The following OTUD7B variants were observed in gnomAD, a reference collection of about 807,000 sequenced individuals.
The protein encoded by OTUD7B is OTU deubiquitinase 7B.
OTUD7B carries 34 observed loss-of-function variants against 82.2 expected under a neutral mutation model. That is an observed-to-expected ratio of 0.41 (90% CI 0.31 to 0.55). The LOEUF (loss-of-function observed/expected upper bound fraction) is 0.55. OTUD7B is among the 20% of genes least tolerant of loss of function. The pLI is 0.20. For synonymous variants in OTUD7B, 398 were observed against 402.7 expected (o/e 0.99, Z 0.14); for missense variants, 944 against 1,062.1 (o/e 0.89, Z 1.55).
At chr1:149,965,754 G>A (rs782489483) in intron 5 of OTUD7B, 23 bp downstream of exon 5, 8 of 1,542,404 alleles carry the variant, frequency 5.2e-6, no homozygotes, top group Non-Finnish European at 7.2e-6. Flanking sequence ...GCAGGTGAAT[G>A]GAGGACTGCT....
intron 7 of OTUD7B, among the ~76,000 whole-genome samples, chr1:149,953,770 T>C (rs1460883764): frequency 6.6e-6 from 1 of 152,214 alleles, no homozygotes; most frequent in Non-Finnish European, 1.5e-5. Context: ...TCACATCCCT[T>C]GTAAGTTGGA....
chr1:150,022,873 CTCTT>C, the OTUD7B span, among the ~76,000 whole-genome samples: 1 of 152,188 alleles, frequency 6.6e-6, no homozygotes, highest in Non-Finnish European at 1.5e-5. Flanking sequence ...CCCAAGGAGT[CTCTT>C]TACCCAGCAG....
chr1:149,948,294 G>A (rs1253569619), intron 10 of OTUD7B, among the ~76,000 whole-genome samples: 12 of 151,004 alleles, frequency 7.9e-5, no homozygotes, highest in South Asian at 4.2e-4. Context: ...ATAAGCCACC[G>A]CACCCAGCCT....
At chr1:150,038,386 T>G in the OTUD7B span, among the ~76,000 whole-genome samples, 1 of 152,010 alleles carries the variant, frequency 6.6e-6, no homozygotes, top group African/African-American at 2.4e-5. Flanking sequence ...TTTATTTATT[T>G]ATTTATTTTT....
rs781982955 is a variant in OTUD7B, at chr1:149,965,866, C to A, written c.515G>T (p.Trp172Leu). The change falls in exon 5 of 12, where the codon TGG (tryptophan) becomes TTG (leucine). Residue 172 changes from tryptophan (W) to leucine (L), a missense_variant. This residue lies in a region of OTUD7B where 530 missense variants were observed against 625.6 expected (regional missense o/e 0.85). Transcript: ENST00000581312. ...AGAGGTGGGATCCACACTCACCCACCAGTTCAAACGCCCTGTAGAAACAAG... is the reference window on the plus strand; with the variant it reads ...AGAGGTGGGATCCACACTCACCCACAAGTTCAAACGCCCTGTAGAAACAAG... The part of the protein sequence containing the change: ...VALEQAGRLN[W>L]WVSVDPTSQR... 6.2e-7 allele frequency: 1 copy of A among 1,613,878 alleles called. No homozygotes were observed. The highest frequency in any genetic ancestry group is 8.5e-7 in the Non-Finnish European group (1 of 1,179,774).
intron 4 of OTUD7B, among the ~76,000 whole-genome samples, chr1:149,966,288 G>A (rs782318450): frequency 1.1e-4 from 16 of 152,272 alleles, no homozygotes; most frequent in African/African-American, 3.1e-4. Flanking sequence ...GTTAAATGAC[G>A]AGGCCAAGGA....
In OTUD7B at chr1:149,943,697, G is replaced by A; in HGVS notation, c.*160C>T. 1.3e-6 allele frequency: 1 copy of A among 748,652 alleles called. No homozygotes were observed. Among genetic ancestry groups the A allele is most frequent in the African/African-American group, 1.7e-5 (1 of 57,418 alleles). The allele number at this position is 748,652 out of a possible 1,614,324, so 46.4% of individuals were successfully genotyped here. A position where few individuals can be genotyped will look rare whatever the true frequency, so the allele number is the denominator to read the frequency against. On this transcript the variant is annotated 3_prime_UTR_variant, in exon 12 of 12. Transcript: ENST00000581312. ...ATCCAGCCCCGACCTGCTCTTGCCAGCCTGGCAGCACTCCTGTGTGCACAC... is the reference window on the plus strand; with the variant it reads ...ATCCAGCCCCGACCTGCTCTTGCCAACCTGGCAGCACTCCTGTGTGCACAC...
intron 7 of OTUD7B, among the ~76,000 whole-genome samples, chr1:149,950,793 TTTTTTC>T (rs1648141869): frequency 1.8e-4 from 2 of 10,922 alleles, no homozygotes; most frequent in Non-Finnish European, 2.7e-4. Flanking sequence ...TTTTTTGTTT[TTTTTTC>T]TTTTTTTTTT....
intron 7 of OTUD7B, among the ~76,000 whole-genome samples, chr1:149,953,744 T>C (rs1175248581): frequency 6.6e-6 from 1 of 152,232 alleles, no homozygotes; most frequent in Non-Finnish European, 1.5e-5. Context: ...TTTGTAGTTC[T>C]CCTTGAAGAG....
intron 2 of OTUD7B, among the ~76,000 whole-genome samples, chr1:149,971,907 C>T (rs1459322438): frequency 1.3e-5 from 2 of 152,178 alleles, no homozygotes; most frequent in East Asian, 3.8e-4. Flanking sequence ...GCTCACATTT[C>T]TTTCTGTTGT....
intron 1 of OTUD7B, among the ~76,000 whole-genome samples, chr1:150,005,461 G>A (rs1305303711): frequency 6.6e-6 from 1 of 152,036 alleles, no homozygotes; most frequent in Non-Finnish European, 1.5e-5. Flanking sequence ...CTGATTTCTA[G>A]CTCAGAAATA....
the OTUD7B span, among the ~76,000 whole-genome samples, chr1:150,044,020 A>T: frequency 2.0e-5 from 3 of 152,136 alleles, no homozygotes; most frequent in Non-Finnish European, 4.4e-5. Context: ...CAGGAAGCTG[A>T]GGTAGGAGGA....
At chr1:150,021,283 T>C in the OTUD7B span, among the ~76,000 whole-genome samples, 2 of 151,980 alleles carry the variant, frequency 1.3e-5, no homozygotes, top group African/African-American at 4.8e-5. Flanking sequence ...CCAGTGGCGG[T>C]GAGGAAGAAG....
At chr1:150,026,499 A>G in the OTUD7B span, among the ~76,000 whole-genome samples, 1 of 152,182 alleles carries the variant, frequency 6.6e-6, no homozygotes, top group East Asian at 1.9e-4. Flanking sequence ...GATGGTAGAG[A>G]TAAGTTCCTA....
intron 11 of OTUD7B, among the ~76,000 whole-genome samples, chr1:149,945,455 A>G (rs1461667259): frequency 6.6e-6 from 1 of 152,198 alleles, no homozygotes; most frequent in African/African-American, 2.4e-5. Context: ...AGAGGCCCAG[A>G]CATTAGAATG....
intron 1 of OTUD7B, among the ~76,000 whole-genome samples, chr1:150,000,930 G>A (rs1652238367): frequency 1.3e-5 from 2 of 152,146 alleles, no homozygotes. Context: ...AGTGAGCAGA[G>A]ATCGTGCCAC....
chr1:150,050,187 C>T, the OTUD7B span, among the ~76,000 whole-genome samples: 9 of 150,870 alleles, frequency 6.0e-5, no homozygotes, highest in Non-Finnish European at 1.3e-4. Context: ...CAGGGAGACC[C>T]TGTCTCAAAA....
upstream of OTUD7B, among the ~76,000 whole-genome samples, chr1:150,013,967 CACACACATATATAT>C (rs1653184580): frequency 3.0e-5 from 4 of 132,700 alleles, no homozygotes; most frequent in Non-Finnish European, 6.5e-5. Flanking sequence ...CACACACACA[CACACACATATATAT>C]ACACACACAT....
At chr1:149,959,082 C>T (rs1648943579) in intron 7 of OTUD7B, among the ~76,000 whole-genome samples, 1 of 151,734 alleles carries the variant, frequency 6.6e-6, no homozygotes, top group Admixed American at 6.6e-5. Context: ...ATTAGCTGGG[C>T]GTGGTGGCAT....
Sources: allele counts gnomAD v4.1 joint callset (sites outside exome capture counted in the v4.1 genomes callset), GRCh38; gene constraint gnomAD v4.1.1; regional missense constraint gnomAD v4.1.1; transcripts MANE v1.5; gene names NCBI Gene and HGNC (gene_info 2026-07-23, HGNC 2026-07-21).